The following PLA2G4E variants were observed in gnomAD, a reference collection of about 807,000 sequenced individuals.
The protein encoded by PLA2G4E is phospholipase A2 group IVE, also known as cytosolic phospholipase A2 epsilon.
In PLA2G4E, 84 loss-of-function variants were observed where a neutral mutation model predicts 109.1. The ratio of observed to expected loss-of-function variants is 0.77; its 90% CI spans 0.65 to 0.92. The LOEUF is 0.92. Ranked by LOEUF, PLA2G4E falls within the 40% of genes least tolerant of loss-of-function variation. PLA2G4E has a pLI of 0.00. For synonymous variants in PLA2G4E, 469 were observed against 436.1 expected (o/e 1.08, Z -0.94); for missense variants, 1,057 against 1,076.6 (o/e 0.98, Z 0.25).
intron 5 of PLA2G4E, 83 bp from the exon 6 acceptor site, chr15:42,002,779 G>A: frequency 8.0e-7 from 1 of 1,250,360 alleles, no homozygotes; most frequent in Non-Finnish European, 1.1e-6. Flanking sequence ...AATAAATAGG[G>A]TCAATAACAA....
intron 10 of PLA2G4E, chr15:41,997,772 A>G (rs901060203): frequency 1.3e-5 from 2 of 152,340 alleles, no homozygotes; most frequent in Admixed American, 6.5e-5. Context: ...TGCTCCTAGA[A>G]TAACAATTAT....
chr15:42,004,297 A>T lies in PLA2G4E; in HGVS notation c.566+641T>A, dbSNP rs971616916. Among the ~76,000 whole-genome samples the T allele has an allele frequency of 1.7e-3, 132 of 77,426 alleles. 1 individual carries two copies. The highest frequency in any genetic ancestry group is 0.011 in the African/African-American group (121 of 10,964). 50.8% of individuals were successfully genotyped at this position (77,426 alleles called of 152,430 possible). A position where few individuals can be genotyped will look rare whatever the true frequency, so the allele number is the denominator to read the frequency against. ...AGCCTGGATGACAGAGTGAGACGAA[A>T]GAAAGAAAGAAAGGAAAGAAAAGGA... is the stretch of plus-strand genomic sequence containing the variant. On this transcript the variant is annotated intron_variant, in intron 5 of 19. Transcript: ENST00000399518.
chr15:42,045,561 C>T (rs181196836), intron 1 of PLA2G4E, among the ~76,000 whole-genome samples: 21 of 152,308 alleles, frequency 1.4e-4, no homozygotes, highest in Middle Eastern at 6.8e-3. Flanking sequence ...CTGCTCTGTG[C>T]TCAGAAAGAT....
chr15:42,010,131 G>GGCC (rs1555386981), intron 2 of PLA2G4E: 13 of 440,792 alleles, frequency 2.9e-5, no homozygotes, highest in South Asian at 9.3e-5. Context: ...CCAGAACACT[G>GGCC]GCCCCCCCAC....
rs1186755014 is a variant in PLA2G4E, at chr15:42,006,109, A to C, written c.406T>G (p.Leu136Val). 2.5e-6 allele frequency: 4 copies of C among 1,613,744 alleles called. No individual in the cohort carries two copies. In the East Asian group the frequency reaches 8.9e-5, roughly 36 times the overall value. The change falls in exon 4 of 20, where the codon TTG (leucine) becomes GTG (valine). Residue 136 changes from leucine (L) to valine (V), a missense_variant. By Grantham distance (32) the Leu-to-Val change is conservative. Coordinates refer to ENST00000399518, the Ensembl canonical transcript of PLA2G4E. ...ACTGTGTCTTCATCACAGACACTCA[A>C]CTCTAGCACGTTCTAGGGGAGAAGG... is the stretch of plus-strand genomic sequence containing the variant.
At chr15:42,017,853 C>T (rs897399275) in intron 1 of PLA2G4E, among the ~76,000 whole-genome samples, 7 of 152,218 alleles carry the variant, frequency 4.6e-5, no homozygotes, top group African/African-American at 1.7e-4. Context: ...ATCTAGAGCA[C>T]ATCAGAGCCA....
chr15:42,035,317 C>T (rs1306889905), intron 1 of PLA2G4E, among the ~76,000 whole-genome samples: 1 of 152,210 alleles, frequency 6.6e-6, no homozygotes, highest in South Asian at 2.1e-4. Flanking sequence ...GGTGACATCC[C>T]CTGCATAGGG....
At chr15:42,019,102 G>A (rs1197952988) in intron 1 of PLA2G4E, among the ~76,000 whole-genome samples, 1 of 152,232 alleles carries the variant, frequency 6.6e-6, no homozygotes, top group Non-Finnish European at 1.5e-5. Flanking sequence ...CTGCCCAGGA[G>A]TGGCAGAGCC....
In PLA2G4E at chr15:42,047,128, A is replaced by T. The variant is rs546754264; in HGVS notation, c.183+3393T>A. On this transcript the variant is annotated intron_variant, in intron 1 of 19. Transcript: ENST00000399518. ...GACTGGGTAATTTATAAAGAACAGA[A>T]ATCTATTTCTTTAAAATATGTTTTT... is the stretch of plus-strand genomic sequence containing the variant. 1.6e-4 allele frequency among the ~76,000 whole-genome samples: 24 copies of T among 152,314 alleles called. 1 individual carries two copies. The highest frequency in any genetic ancestry group is 1.5e-3 in the Admixed American group (23 of 15,304).
chr15:42,046,102 A>C (rs1430488173), intron 1 of PLA2G4E, among the ~76,000 whole-genome samples: 1 of 152,098 alleles, frequency 6.6e-6, no homozygotes, highest in Non-Finnish European at 1.5e-5. Context: ...CTACTGTCCA[A>C]TGCTACCACC....
At position 41,990,247 on chromosome 15, in the gene PLA2G4E, CA is replaced by C; in HGVS notation, c.1471-13del. The C allele has an allele frequency of 6.2e-7, 1 of 1,611,842 alleles. No individual in the cohort carries two copies. The highest frequency in any genetic ancestry group is 2.2e-5 in the East Asian group (1 of 44,852). ...TTGCATTCATTTCTCTGTGGGGAAACAAAATGGTTAAAGAGAAGCAGCAGCC... is the reference window on the plus strand; with the variant it reads ...TTGCATTCATTTCTCTGTGGGGAAACAAATGGTTAAAGAGAAGCAGCAGCC... On this transcript the variant is annotated splice_polypyrimidine_tract_variant and intron_variant, in intron 13 of 19. Coordinates refer to ENST00000399518, the Ensembl canonical transcript of PLA2G4E.
intron 1 of PLA2G4E, among the ~76,000 whole-genome samples, chr15:42,016,092 C>T (rs539762211): frequency 2.0e-5 from 3 of 152,238 alleles, no homozygotes; most frequent in East Asian, 1.9e-4. Flanking sequence ...TGTTCTACTC[C>T]GTGTTGCCAG....
chr15:42,005,961 G>C, intron 4 of PLA2G4E, 29 bp downstream of exon 4: 1 of 1,610,628 alleles, frequency 6.2e-7, no homozygotes, highest in Non-Finnish European at 8.5e-7. Context: ...CATGAAGCCG[G>C]AGTCTGAGGG....
At chr15:42,022,726 T>G (rs1397259557) in intron 1 of PLA2G4E, among the ~76,000 whole-genome samples, 1 of 152,108 alleles carries the variant, frequency 6.6e-6, no homozygotes, top group Non-Finnish European at 1.5e-5. Context: ...CAGATGAAGC[T>G]TCACTCACTC....
intron 13 of PLA2G4E, among the ~76,000 whole-genome samples, chr15:41,992,341 T>G (rs1704353): frequency 1.3e-5 from 2 of 152,132 alleles, no homozygotes. Flanking sequence ...GCAGACCACA[T>G]GGTGGTCTGG....
At chr15:41,993,087 T>C (rs1353516948) in intron 12 of PLA2G4E, 128 bp from the exon 13 acceptor site, 12 of 771,210 alleles carry the variant, frequency 1.6e-5, no homozygotes, top group Non-Finnish European at 2.3e-5. Context: ...ACCTGGAGAG[T>C]AGGGGTGAGG....
At chr15:42,035,906 T>C (rs1427963536) in intron 1 of PLA2G4E, among the ~76,000 whole-genome samples, 1 of 152,230 alleles carries the variant, frequency 6.6e-6, no homozygotes, top group African/African-American at 2.4e-5. Context: ...CCTATGTGTG[T>C]GTTCCTGAGC....
intron 2 of PLA2G4E, 128 bp from the exon 3 acceptor site, chr15:42,007,993 G>A: frequency 9.4e-7 from 1 of 1,059,366 alleles, no homozygotes; most frequent in Non-Finnish European, 1.3e-6. Context: ...CTCATTCATG[G>A]GTCTAACTTT....
chr15:42,004,120 G>T (rs1314086056), intron 5 of PLA2G4E, among the ~76,000 whole-genome samples: 1 of 152,126 alleles, frequency 6.6e-6, no homozygotes, highest in Non-Finnish European at 1.5e-5. Flanking sequence ...AGACCAACAT[G>T]ATGAAACCCC....
Sources: allele counts gnomAD v4.1 joint callset (sites outside exome capture counted in the v4.1 genomes callset), GRCh38; gene constraint gnomAD v4.1.1; transcripts MANE v1.5; gene names NCBI Gene and HGNC (gene_info 2026-07-23, HGNC 2026-07-21).